The following MSRA variants were observed in gnomAD, a reference collection of about 807,000 sequenced individuals.
The protein encoded by MSRA is methionine sulfoxide reductase A, also known as mitochondrial peptide methionine sulfoxide reductase.
In MSRA, 54 loss-of-function variants were observed where a neutral mutation model predicts 31.3. The ratio of observed to expected loss-of-function variants is 1.73; its 90% CI spans 1.39 to 2.17. The LOEUF (loss-of-function observed/expected upper bound fraction) is 2.17, where lower values mean the gene tolerates loss of function less well. MSRA is among the 30% of genes most tolerant of loss of function. The pLI, the probability that MSRA is intolerant of heterozygous loss-of-function variation, is 0.00. For synonymous variants in MSRA, 169 were observed against 116.5 expected (o/e 1.45, Z -2.90); for missense variants, 507 against 300.9 (o/e 1.69, Z -5.07).
intron 3 of MSRA, among the ~76,000 whole-genome samples, chr8:10,274,915 C>G (rs1435744501): frequency 6.6e-6 from 1 of 152,166 alleles, no homozygotes; most frequent in Non-Finnish European, 1.5e-5. Flanking sequence ...ATTCGTCTAT[C>G]TTCTTTTGAG....
chr8:10,056,213 A>C (rs923456007), intron 1 of MSRA, among the ~76,000 whole-genome samples: 2 of 150,840 alleles, frequency 1.3e-5, no homozygotes, highest in East Asian at 2.0e-4. Flanking sequence ...AAAAAAAAAA[A>C]AAAAAAAACC....
In MSRA at chr8:10,174,500, G is replaced by A. The variant is rs142768374; in HGVS notation, c.143-33333G>A. 4.3e-3 allele frequency among the ~76,000 whole-genome samples: 650 copies of A among 152,164 alleles called. 3 individuals carry two copies. The highest frequency in any genetic ancestry group is 0.015 in the African/African-American group (602 of 41,504). ...GGTTCTCTTGCTGCGTCCACTGGAG[G>A]CCTCTTCTCCCATGACTTCCCAGCT... On this transcript the variant is annotated intron_variant, in intron 1 of 5. Coordinates refer to ENST00000317173, the MANE Select transcript of MSRA (RefSeq NM_012331.5).
At chr8:10,213,716 C>T (rs1298403581) in intron 2 of MSRA, among the ~76,000 whole-genome samples, 1 of 152,012 alleles carries the variant, frequency 6.6e-6, no homozygotes, top group Non-Finnish European at 1.5e-5. Context: ...ATTTTCTTTG[C>T]CATTCTTCTG....
chr8:10,290,563 A>T (rs1232129879), intron 3 of MSRA, among the ~76,000 whole-genome samples: 1 of 152,170 alleles, frequency 6.6e-6, no homozygotes, highest in African/African-American at 2.4e-5. Context: ...GTGAGAATGC[A>T]TATGCCAGGC....
At chr8:10,169,918 T>C (rs1035985525) in intron 1 of MSRA, among the ~76,000 whole-genome samples, 1 of 59,696 alleles carries the variant, frequency 1.7e-5, no homozygotes, top group East Asian at 9.1e-4. Flanking sequence ...TCTTTCTTTC[T>C]TTTTTTTTTT....
intron 5 of MSRA, among the ~76,000 whole-genome samples, chr8:10,328,616 G>C (rs1009905213): frequency 3.9e-5 from 6 of 152,098 alleles, no homozygotes; most frequent in African/African-American, 1.4e-4. Flanking sequence ...AATGAAATCT[G>C]AACTCCTTCG....
Position 10,054,559 on chromosome 8 carries a change from C to T in MSRA, c.43C>T (p.His15Tyr), listed in dbSNP as rs766757789. The change falls in exon 1 of 6, where the codon CAC (histidine) becomes TAC (tyrosine). Residue 15 changes from histidine to tyrosine, a missense_variant. Coordinates refer to ENST00000317173, the MANE Select transcript of MSRA (RefSeq NM_012331.5). ...TRRACQLLLL[H>Y]SLFPVPRMGN... ...GAGGGCTTGCCAGCTCCTCCTCCTC[C>T]ACAGCCTCTTTCCCGTCCCGAGGAT... 21 of 1,587,788 alleles carry T rather than the reference C, an allele frequency of 1.3e-5. No individual in the cohort carries two copies. The highest frequency in any genetic ancestry group is 5.2e-5 in the Admixed American group (3 of 57,362).
intron 5 of MSRA, among the ~76,000 whole-genome samples, chr8:10,398,651 C>T (rs902098924): frequency 1.3e-5 from 2 of 152,214 alleles, no homozygotes; most frequent in South Asian, 2.1e-4. Flanking sequence ...AAAATAAGTT[C>T]TCAGCTGCTA....
At chr8:10,404,532 G>A (rs530687661) in intron 5 of MSRA, among the ~76,000 whole-genome samples, 29 of 152,334 alleles carry the variant, frequency 1.9e-4, no homozygotes, top group Non-Finnish European at 3.1e-4. Flanking sequence ...AGGCCATCCC[G>A]GGCGGCCGCT....
In MSRA at chr8:10,095,864, A is replaced by G. The variant is rs1016486106; in HGVS notation, c.142+41206A>G. On this transcript the variant is annotated intron_variant, in intron 1 of 5. Coordinates refer to ENST00000317173, the MANE Select transcript of MSRA (RefSeq NM_012331.5). Reference sequence around the variant, plus strand: ...CATAGTGTCCATGCATTTGGGAAATACTATATTTGATTTTTTGCATGTATG... The same window carrying G: ...CATAGTGTCCATGCATTTGGGAAATGCTATATTTGATTTTTTGCATGTATG... 7.8e-6 allele frequency: 10 copies of G among 1,274,846 alleles called. No individual in the cohort carries two copies. In the African/African-American group the frequency reaches 1.2e-4, roughly 16 times the overall value. The allele number at this position is 1,274,846 out of a possible 1,614,324, so 79.0% of individuals were successfully genotyped here. A position where few individuals can be genotyped will look rare whatever the true frequency, so the allele number is the denominator to read the frequency against.
chr8:10,162,406 C>G (rs1414650943), intron 1 of MSRA, among the ~76,000 whole-genome samples: 1 of 152,168 alleles, frequency 6.6e-6, no homozygotes, highest in Non-Finnish European at 1.5e-5. Context: ...CAGAACCTGA[C>G]TGCTACCACG....
At chr8:10,250,457 C>CA (rs1458085373) in intron 3 of MSRA, 1 of 702,402 alleles carries the variant, frequency 1.4e-6, no homozygotes, top group Non-Finnish European at 2.6e-6. Flanking sequence ...TTAGTCTATT[C>CA]AAAAGCTTTT....
chr8:10,368,582 C>G (rs1211990803), intron 5 of MSRA, among the ~76,000 whole-genome samples: 2 of 152,224 alleles, frequency 1.3e-5, no homozygotes, highest in Non-Finnish European at 2.9e-5. Flanking sequence ...GTGAAGGAAT[C>G]TCTAGATGCA....
intron 1 of MSRA, among the ~76,000 whole-genome samples, chr8:10,057,882 T>C (rs1480762510): frequency 6.6e-6 from 1 of 152,202 alleles, no homozygotes; most frequent in Non-Finnish European, 1.5e-5. Context: ...TTGTCTCAGG[T>C]AGTTCTTTAT....
At position 10,234,196 on chromosome 8, in the gene MSRA, A is replaced by C. The variant is rs147431631; in HGVS notation, c.212-10908A>C. Among the ~76,000 whole-genome samples, 529 of 152,336 alleles carry C rather than the reference A, an allele frequency of 3.5e-3. 2 individuals are homozygous for C. The highest frequency in any genetic ancestry group is 0.012 in the African/African-American group (510 of 41,580). On this transcript the variant is annotated intron_variant, in intron 2 of 5. Coordinates refer to ENST00000317173, the MANE Select transcript of MSRA (RefSeq NM_012331.5). ...GATGAAGAATTAAAGGAGAGACCTG[A>C]AGCATAAGAAACAGTAATTAGTTAA...
Position 10,396,320 on chromosome 8 carries a change from G to C in MSRA, c.544-31828G>C, listed in dbSNP as rs76315761. Among the ~76,000 whole-genome samples the C allele has an allele frequency of 3.9e-3, 596 of 152,274 alleles. 3 individuals carry two copies. Among genetic ancestry groups the C allele is most frequent in the African/African-American group, 0.014 (575 of 41,542 alleles). On this transcript the variant is annotated intron_variant, in intron 5 of 5. Transcript: ENST00000317173. The stretch of plus-strand genomic sequence containing the variant: ...CTTACTTCTTTTTTATTTACACACT[G>C]AGTGGGAAGAGCTATGAAGGAATAT...
Position 10,320,076 on chromosome 8 carries a change from C to T in MSRA, c.543+87C>T, listed in dbSNP as rs1456531876. On this transcript the variant is annotated intron_variant, in intron 5 of 5. Transcript: ENST00000317173. ...TTTTAGAGGGCAGTCTGCTGCTTTT[C>T]AACTGGAATTGTGTTTTATTTGCAC... is the stretch of plus-strand genomic sequence containing the variant. The T allele has an allele frequency of 5.2e-6, 4 of 771,488 alleles. No homozygotes were observed. In the African/African-American group the frequency reaches 5.3e-5, roughly 10 times the overall value. 47.8% of individuals were successfully genotyped at this position (771,488 alleles called of 1,614,324 possible).
intron 2 of MSRA, among the ~76,000 whole-genome samples, chr8:10,234,303 A>G (rs1425031860): frequency 6.6e-6 from 1 of 152,202 alleles, no homozygotes; most frequent in African/African-American, 2.4e-5. Flanking sequence ...TAAAAAAGGC[A>G]AATCTTTACA....
chr8:10,081,342 C>G (rs982925235), intron 1 of MSRA, among the ~76,000 whole-genome samples: 1 of 152,200 alleles, frequency 6.6e-6, no homozygotes, highest in Non-Finnish European at 1.5e-5. Flanking sequence ...GTCCCTAGTT[C>G]GTTACCATGG....
Sources: gnomAD v4.1 joint callset for allele counts (sites outside exome capture counted in the v4.1 genomes callset) on GRCh38, gnomAD v4.1.1 for gene constraint, MANE v1.5 for transcripts, NCBI Gene and HGNC (gene_info 2026-07-23, HGNC 2026-07-21) for gene names.